LAPTM4B: variants seen among roughly 807,000 people sequenced by gnomAD.
The protein encoded by LAPTM4B is lysosomal protein transmembrane 4 beta.
Under a neutral mutation model 28.5 loss-of-function variants are expected in LAPTM4B, and 26 were observed. The ratio of observed to expected loss-of-function variants is 0.91; its 90% CI spans 0.67 to 1.27. The LOEUF is 1.27. LAPTM4B is among the 50% of genes most tolerant of loss of function. The pLI, the probability that LAPTM4B is intolerant of heterozygous loss-of-function variation, is 0.00. For synonymous variants in LAPTM4B, 109 were observed against 106.4 expected (o/e 1.02, Z -0.15); for missense variants, 288 against 285.8 (o/e 1.01, Z -0.06).
intron 1 of LAPTM4B, among the ~76,000 whole-genome samples, chr8:97,784,207 TTTCCAACTGTCAGA>T: frequency 6.6e-6 from 1 of 152,318 alleles, no homozygotes; most frequent in East Asian, 1.9e-4. Context: ...TAATAGCTTC[TTTCCAACTGTCAGA>T]TTCTGTGACT....
chr8:97,852,943 G>A lies in LAPTM4B; in HGVS notation c.*1469G>A. 1 of 488,230 alleles carries A rather than the reference G, an allele frequency of 2.0e-6. No homozygotes were observed. Among genetic ancestry groups the A allele is most frequent in the South Asian group, 2.7e-5 (1 of 36,676 alleles). 30.2% of individuals were successfully genotyped at this position (488,230 alleles called of 1,614,324 possible). A position where few individuals can be genotyped will look rare whatever the true frequency, so the allele number is the denominator to read the frequency against. On this transcript the variant is annotated 3_prime_UTR_variant, in exon 7 of 7. Transcript: ENST00000521545. ...AGAATAAATTACCATTGGTGTGGGG[G>A]AAAAAAGCCAAACAGAAGTAGAAAA...
chr8:97,824,194 T>G (rs1394776773), intron 5 of LAPTM4B, among the ~76,000 whole-genome samples: 2 of 152,154 alleles, frequency 1.3e-5, no homozygotes, highest in Non-Finnish European at 2.9e-5. Context: ...ATATATACTA[T>G]ATGTAGAATA....
Position 97,819,169 on chromosome 8 carries a change from C to A in LAPTM4B, c.438C>A (p.Val146=), listed in dbSNP as rs569293574. 10 of 1,608,912 alleles carry A rather than the reference C, an allele frequency of 6.2e-6. No individual in the cohort carries two copies. The Admixed American group carries it at 1.3e-4, about 22-fold the overall frequency. Residue 146 remains valine, a synonymous_variant, in exon 5 of 7, where the codon GTC becomes GTA. Transcript: ENST00000521545. ...LPPNFPYRDD[V]MSVNPTCLVL... is the part of the protein sequence containing the mutation. ...CTAATTTTCCCTACAGAGATGATGT[C>A]ATGTCAGTGAATCCTACCTGTTTGG...
rs192158732 is a variant in LAPTM4B, at chr8:97,822,874, C to T, written c.508-2184C>T. 8.8e-3 allele frequency among the ~76,000 whole-genome samples: 1,334 copies of T among 152,028 alleles called. 14 individuals carry two copies. The highest frequency in any genetic ancestry group is 0.014 in the Non-Finnish European group (932 of 67,994). ...TATTTTTTTTGAGACAAGAGTGTCA[C>T]TCTGTCACCCAGGCTGGAGTGCAGT... On this transcript the variant is annotated intron_variant, in intron 5 of 6. Transcript: ENST00000521545.
intron 6 of LAPTM4B, among the ~76,000 whole-genome samples, chr8:97,835,590 T>C (rs1817246832): frequency 6.6e-6 from 1 of 152,246 alleles, no homozygotes; most frequent in Non-Finnish European, 1.5e-5. Flanking sequence ...AATGACTTAA[T>C]AGTGGTCATT....
chr8:97,784,589 A>G (rs1816373373), intron 1 of LAPTM4B, among the ~76,000 whole-genome samples: 1 of 151,832 alleles, frequency 6.6e-6, no homozygotes, highest in African/African-American at 2.4e-5. Flanking sequence ...ACAGGCGCCC[A>G]CCACCACACC....
At chr8:97,816,515 T>C (rs1376689316) in intron 4 of LAPTM4B, among the ~76,000 whole-genome samples, 1 of 152,090 alleles carries the variant, frequency 6.6e-6, no homozygotes, top group Non-Finnish European at 1.5e-5. Context: ...CAGGCTGGTC[T>C]TGAACTCCTG....
intron 5 of LAPTM4B, among the ~76,000 whole-genome samples, chr8:97,821,607 G>C (rs1015007761): frequency 3.4e-4 from 51 of 151,778 alleles, no homozygotes; most frequent in African/African-American, 1.2e-3. Flanking sequence ...TAGCTGTGAC[G>C]GTTTTGCATA....
intron 6 of LAPTM4B, among the ~76,000 whole-genome samples, chr8:97,834,000 C>T (rs186898492): frequency 6.6e-6 from 1 of 151,922 alleles, no homozygotes; most frequent in Admixed American, 6.6e-5. Flanking sequence ...CTAGTGGTGA[C>T]CAGTAAGGTT....
At chr8:97,797,042 C>T (rs7816393) in intron 1 of LAPTM4B, among the ~76,000 whole-genome samples, 70,995 of 151,964 alleles carry the variant, frequency 0.47, 17,038 homozygotes, top group African/African-American at 0.56. Context: ...GTGGGAGCAT[C>T]GCTTAAACCC....
intron 1 of LAPTM4B, among the ~76,000 whole-genome samples, chr8:97,781,607 T>G (rs1195751816): frequency 6.6e-6 from 1 of 152,062 alleles, no homozygotes; most frequent in Non-Finnish European, 1.5e-5. Context: ...GTTTATTGAG[T>G]TGACAAATGC....
At position 97,840,759 on chromosome 8, in the gene LAPTM4B, G is replaced by A. The variant is rs536541196; in HGVS notation, c.604-10638G>A. 5.4e-4 allele frequency among the ~76,000 whole-genome samples: 82 copies of A among 152,282 alleles called. 1 individual carries two copies. Among genetic ancestry groups the A allele is most frequent in the Non-Finnish European group, 1.6e-4 (11 of 68,036 alleles). On this transcript the variant is annotated intron_variant, in intron 6 of 6. Transcript: ENST00000521545. The stretch of plus-strand genomic sequence containing the variant: ...TTCACACTTAGAAGGTTGCACAGCG[G>A]CCGGGCAGAGGTGCTCCTCACTTCC...
At chr8:97,823,528 C>A (rs2129810456) in intron 5 of LAPTM4B, among the ~76,000 whole-genome samples, 1 of 151,670 alleles carries the variant, frequency 6.6e-6, no homozygotes, top group East Asian at 1.9e-4. Context: ...GCATGCATCC[C>A]AATGCCCGGC....
chr8:97,779,319 C>T (rs1277768384), intron 1 of LAPTM4B, among the ~76,000 whole-genome samples: 5 of 151,806 alleles, frequency 3.3e-5, no homozygotes, highest in Non-Finnish European at 7.4e-5. Flanking sequence ...GGTAAAACCC[C>T]ATCTCTACTA....
intron 1 of LAPTM4B, among the ~76,000 whole-genome samples, chr8:97,796,112 G>T: frequency 6.6e-6 from 1 of 152,178 alleles, no homozygotes; most frequent in Non-Finnish European, 1.5e-5. Flanking sequence ...CTTAGTTTTT[G>T]TGTGTTTTGG....
At chr8:97,820,799 G>C (rs561092087) in intron 5 of LAPTM4B, among the ~76,000 whole-genome samples, 9 of 151,976 alleles carry the variant, frequency 5.9e-5, no homozygotes, top group African/African-American at 2.2e-4. Context: ...TGCGATCTCG[G>C]CTCACTGCAA....
chr8:97,817,354 TCTCAAA>T (rs1335684369), intron 4 of LAPTM4B, among the ~76,000 whole-genome samples: 1 of 151,814 alleles, frequency 6.6e-6, no homozygotes, highest in Non-Finnish European at 1.5e-5. Context: ...CCCAGGCTTG[TCTCAAA>T]CTCCTAGACT....
chr8:97,850,803 G>A (rs542353146), intron 6 of LAPTM4B, among the ~76,000 whole-genome samples: 1 of 147,424 alleles, frequency 6.8e-6, no homozygotes, highest in African/African-American at 2.6e-5. Context: ...ATAAATGTTA[G>A]TTTACTGAAT....
chr8:97,790,458 C>T (rs1816481198), intron 1 of LAPTM4B, among the ~76,000 whole-genome samples: 1 of 151,476 alleles, frequency 6.6e-6, no homozygotes, highest in South Asian at 2.1e-4. Context: ...ACTAAAGGCA[C>T]ATACCACCAT....
Sources: allele counts gnomAD v4.1 joint callset (sites outside exome capture counted in the v4.1 genomes callset), GRCh38; gene constraint gnomAD v4.1.1; transcripts MANE v1.5; gene names NCBI Gene and HGNC (gene_info 2026-07-23, HGNC 2026-07-21).